The following UNC80 variants were observed in gnomAD, a reference collection of about 807,000 sequenced individuals.
The protein encoded by UNC80 is protein unc-80 homolog.
A neutral mutation model predicts 384.6 loss-of-function variants in UNC80; 164 were observed. That is an observed-to-expected ratio of 0.43 (90% CI 0.38 to 0.49). The LOEUF is 0.49. Ranked by LOEUF, UNC80 falls within the 20% of genes least tolerant of loss-of-function variation. The pLI, the probability that UNC80 is intolerant of heterozygous loss-of-function variation, is 0.00. For synonymous variants in UNC80, 1,486 were observed against 1,527.8 expected (o/e 0.97, Z 0.64); for missense variants, 3,330 against 4,143.0 (o/e 0.80, Z 5.39).
chr2:209,899,279 A>AT (rs1171291410), intron 28 of UNC80, among the ~76,000 whole-genome samples: 4 of 152,234 alleles, frequency 2.6e-5, no homozygotes, highest in African/African-American at 7.2e-5. Flanking sequence ...TGTACAAAGC[A>AT]AAGCGTGGAC....
At chr2:209,804,810 G>A (rs1232948331) in intron 7 of UNC80, among the ~76,000 whole-genome samples, 2 of 150,866 alleles carry the variant, frequency 1.3e-5, no homozygotes, top group African/African-American at 4.9e-5. Context: ...CTGTCACCCA[G>A]GCTGGAGTGT....
chr2:209,821,138 G>C (rs946659473), intron 13 of UNC80, among the ~76,000 whole-genome samples: 5 of 133,086 alleles, frequency 3.8e-5, no homozygotes, highest in Non-Finnish European at 7.4e-5. Context: ...GTGCTGTCAG[G>C]TTTAGTTTTA....
chr2:209,797,713 T>C (rs575424742), intron 7 of UNC80, among the ~76,000 whole-genome samples: 5 of 152,326 alleles, frequency 3.3e-5, no homozygotes, highest in African/African-American at 7.2e-5. Flanking sequence ...TTCTGGTTTC[T>C]AGATCTTTGA....
chr2:209,934,229 C>A (rs1016081915), intron 39 of UNC80, among the ~76,000 whole-genome samples: 3 of 152,036 alleles, frequency 2.0e-5, no homozygotes, highest in Non-Finnish European at 2.9e-5. Context: ...AACTGAGATC[C>A]GCATGAATCA....
intron 59 of UNC80, among the ~76,000 whole-genome samples, 161 bp from the exon 60 acceptor site, chr2:209,982,018 C>G (rs2093169198): frequency 6.6e-6 from 1 of 152,180 alleles, no homozygotes; most frequent in South Asian, 2.1e-4. Context: ...CCCCAAAGGT[C>G]TAAGTTTTTT....
intron 22 of UNC80, among the ~76,000 whole-genome samples, chr2:209,864,242 T>C (rs1204329619): frequency 1.3e-5 from 2 of 152,148 alleles, no homozygotes; most frequent in South Asian, 2.1e-4. Context: ...ACCTCTGACC[T>C]CGAGGGGCAC....
rs929844100 is a variant in UNC80, at chr2:209,793,704, T to C, written c.799-16T>C. The C allele has an allele frequency of 3.7e-6, 6 of 1,612,810 alleles. No homozygotes were observed. The highest frequency in any genetic ancestry group is 1.7e-5 in the Admixed American group (1 of 59,872). On this transcript the variant is annotated splice_polypyrimidine_tract_variant and intron_variant, in intron 6 of 64. Transcript: ENST00000673920. ...ACAAAAAACAAAACCTAATCTGCTA[T>C]CTCTGCCTCCAAAAGGGACTCCAGG...
intron 49 of UNC80, 92 bp downstream of exon 49, chr2:209,957,828 C>A: frequency 5.2e-6 from 6 of 1,145,222 alleles, no homozygotes; most frequent in South Asian, 1.7e-5. Flanking sequence ...TGAACATAGT[C>A]AATATTGAGT....
Position 209,941,331 on chromosome 2 carries a change from A to G in UNC80, c.6757A>G (p.Met2253Val), listed in dbSNP as rs550963105. Reference sequence around the variant, plus strand: ...CGAGTTTCCATGGGGAGACGAAATCATGCTTTTCCTCAACGTTTTTAACGG... The same window carrying G: ...CGAGTTTCCATGGGGAGACGAAATCGTGCTTTTCCTCAACGTTTTTAACGG... ...PSEFPWGDEI[M>V]LFLNVFNGAL... Residue 2253 changes from methionine (M) to valine (V), a missense_variant, in exon 44 of 65, where the codon ATG (methionine) becomes GTG (valine). Met to Val is a conservative substitution (Grantham distance 21). Transcript: ENST00000673920. The G allele has an allele frequency of 1.3e-5, 20 of 1,551,004 alleles. No individual in the cohort carries two copies. Among genetic ancestry groups the G allele is most frequent in the South Asian group, 3.6e-5 (3 of 84,028 alleles).
chr2:209,899,343 T>C (rs1345914598), intron 28 of UNC80, among the ~76,000 whole-genome samples: 2 of 152,208 alleles, frequency 1.3e-5, no homozygotes, highest in Non-Finnish European at 2.9e-5. Flanking sequence ...ATAAGTTCAT[T>C]GATTGTAATA....
rs1414796608 is a variant in UNC80, at chr2:209,996,267, A to G, written c.*672A>G. On this transcript the variant is annotated 3_prime_UTR_variant, in exon 65 of 65. Transcript: ENST00000673920. The stretch of plus-strand genomic sequence containing the variant: ...AGATGGCATAAGATCATCCCATTTC[A>G]TAATCTATCACATTAGAATATTACA... 1 of 152,246 alleles carries G rather than the reference A, an allele frequency of 6.6e-6. No homozygotes were observed. Among genetic ancestry groups the G allele is most frequent in the East Asian group, 1.9e-4 (1 of 5,204 alleles). 9.4% of individuals were successfully genotyped at this position (152,246 alleles called of 1,614,324 possible).
At chr2:209,859,173 A>C (rs1045416442) in intron 22 of UNC80, among the ~76,000 whole-genome samples, 2 of 151,246 alleles carry the variant, frequency 1.3e-5, no homozygotes, top group Non-Finnish European at 3.0e-5. Flanking sequence ...TCATCCTCTA[A>C]GTTTCCTCTC....
intron 25 of UNC80, 98 bp from the exon 26 acceptor site, chr2:209,887,997 G>T (rs371213076): frequency 1.8e-6 from 2 of 1,134,090 alleles, no homozygotes; most frequent in Admixed American, 2.7e-5. Context: ...CTGTTTAAAC[G>T]CAGTTGTGTA....
At chr2:209,967,015 A>G (rs1304466045) in intron 51 of UNC80, among the ~76,000 whole-genome samples, 1 of 152,064 alleles carries the variant, frequency 6.6e-6, no homozygotes, top group Non-Finnish European at 1.5e-5. Flanking sequence ...GACGTTTGAT[A>G]TTAGTAATTT....
intron 51 of UNC80, among the ~76,000 whole-genome samples, chr2:209,966,685 C>T (rs2092750760): frequency 7.9e-5 from 12 of 152,200 alleles, no homozygotes; most frequent in Admixed American, 5.2e-4. Context: ...GACTGCAAGC[C>T]TGGGCCAACC....
intron 23 of UNC80, among the ~76,000 whole-genome samples, chr2:209,873,270 G>A (rs2084468398): frequency 6.6e-6 from 1 of 152,264 alleles, no homozygotes; most frequent in East Asian, 1.9e-4. Context: ...CCATCTCACA[G>A]ATTAGATTTC....
chr2:209,858,150 C>A (rs538419357), intron 22 of UNC80, among the ~76,000 whole-genome samples: 1 of 152,260 alleles, frequency 6.6e-6, no homozygotes, highest in South Asian at 2.1e-4. Flanking sequence ...TTTGTATTTA[C>A]AGTGATGACA....
At chr2:209,812,573 C>T (rs999976343) in intron 7 of UNC80, among the ~76,000 whole-genome samples, 2 of 152,140 alleles carry the variant, frequency 1.3e-5, no homozygotes, top group African/African-American at 2.4e-5. Flanking sequence ...AGGGTACAAA[C>T]ATCTCTCTTT....
At chr2:209,841,677 T>G (rs1021053826) in intron 20 of UNC80, among the ~76,000 whole-genome samples, 5 of 152,164 alleles carry the variant, frequency 3.3e-5, no homozygotes, top group Admixed American at 6.5e-5. Context: ...TCTAGTCTGT[T>G]TTAAAAGTGA....
Sources: gnomAD v4.1 joint callset for allele counts (sites outside exome capture counted in the v4.1 genomes callset) on GRCh38, gnomAD v4.1.1 for gene constraint, MANE v1.5 for transcripts, NCBI Gene and HGNC (gene_info 2026-07-23, HGNC 2026-07-21) for gene names.